DAB1: variants seen among roughly 807,000 people sequenced by gnomAD.
DAB1 encodes the protein DAB adaptor protein 1.
DAB1 carries 15 observed loss-of-function variants against 64.6 expected under a neutral mutation model. The observed-to-expected ratio is 0.23, with a 90% CI of 0.16 to 0.36. The LOEUF is 0.36. DAB1 is among the 10% of genes least tolerant of loss of function. The pLI, the probability that DAB1 is intolerant of heterozygous loss-of-function variation, is 1.00. For missense variants in DAB1, 596 were observed against 706.7 expected, an observed-to-expected ratio of 0.84 and a Z score of 1.78; for synonymous variants, 235 against 251.9, an observed-to-expected ratio of 0.93 and a Z score of 0.64.
chr1:58,105,433 T>G (rs899502215), intron 5 of DAB1, among the ~76,000 whole-genome samples: 1 of 152,100 alleles, frequency 6.6e-6, no homozygotes, highest in African/African-American at 2.4e-5. Flanking sequence ...TCATTTCATA[T>G]CAGAAATACT....
At chr1:58,485,983 T>C (rs550788719) in intron 3 of DAB1, among the ~76,000 whole-genome samples, 13 of 152,334 alleles carry the variant, frequency 8.5e-5, no homozygotes, top group African/African-American at 2.9e-4. Context: ...GAGGAAGATT[T>C]GAAGTTAAAT....
intron 5 of DAB1, among the ~76,000 whole-genome samples, chr1:57,893,779 T>C (rs114872999): frequency 1.7e-3 from 259 of 152,118 alleles, no homozygotes; most frequent in African/African-American, 5.6e-3. Flanking sequence ...CTCTCTGAAA[T>C]AATAATTGGT....
intron 6 of DAB1, among the ~76,000 whole-genome samples, chr1:57,819,349 C>T (rs1652014573): frequency 1.3e-5 from 2 of 152,186 alleles, no homozygotes; most frequent in Admixed American, 1.3e-4. Context: ...GATTCTGTTC[C>T]TTTACGGAGG....
intron 6 of DAB1, among the ~76,000 whole-genome samples, chr1:57,698,420 T>C (rs890738774): frequency 5.3e-5 from 8 of 152,152 alleles, no homozygotes; most frequent in African/African-American, 1.9e-4. Flanking sequence ...AGGACCAATT[T>C]GAATAACTCA....
chr1:57,992,587 C>T (rs778543330), intron 5 of DAB1, among the ~76,000 whole-genome samples: 1 of 152,148 alleles, frequency 6.6e-6, no homozygotes, highest in African/African-American at 2.4e-5. Context: ...AATCACTTCT[C>T]TCATAAAGAG....
chr1:57,578,415 G>T (rs2101546680), intron 7 of DAB1, among the ~76,000 whole-genome samples: 1 of 152,298 alleles, frequency 6.6e-6, no homozygotes, highest in Admixed American at 6.5e-5. Context: ...ATGGGCTTTG[G>T]AGTTACAGGC....
At chr1:57,861,215 C>T (rs777301097) in intron 1 of DAB1, among the ~76,000 whole-genome samples, 8 of 152,196 alleles carry the variant, frequency 5.3e-5, no homozygotes, top group South Asian at 2.1e-4. Context: ...TTTACTCAGA[C>T]GGACCTTGTC....
At chr1:57,029,619 C>T (rs1485038529) in intron 9 of DAB1, among the ~76,000 whole-genome samples, 1 of 152,154 alleles carries the variant, frequency 6.6e-6, no homozygotes, top group Non-Finnish European at 1.5e-5. Flanking sequence ...GAAGGGCTGC[C>T]CAAGACCATG....
intron 6 of DAB1, among the ~76,000 whole-genome samples, chr1:57,727,585 A>G (rs1194667484): frequency 1.3e-5 from 2 of 152,160 alleles, no homozygotes; most frequent in Non-Finnish European, 1.5e-5. Flanking sequence ...TGGATCCTGG[A>G]GCCACTTTCA....
chr1:57,358,540 G>C (rs760890252), intron 1 of DAB1, among the ~76,000 whole-genome samples: 2 of 151,916 alleles, frequency 1.3e-5, no homozygotes, highest in African/African-American at 4.8e-5. Flanking sequence ...AATAAATGTT[G>C]TTAAAATGAC....
chr1:58,439,109 T>C (rs780473301), intron 3 of DAB1, among the ~76,000 whole-genome samples: 617 of 49,686 alleles, frequency 0.012, 3 homozygotes, highest in Admixed American at 0.018. Context: ...CCCAACGTCA[T>C]AGCCTCACCA....
At chr1:57,210,482 T>C (rs1408473699) in intron 2 of DAB1, among the ~76,000 whole-genome samples, 1 of 152,138 alleles carries the variant, frequency 6.6e-6, no homozygotes, top group Non-Finnish European at 1.5e-5. Context: ...GGCACAGAAA[T>C]TGAGGCATAG....
At chr1:57,086,214 G>A (rs1414324973) in intron 4 of DAB1, among the ~76,000 whole-genome samples, 1 of 152,112 alleles carries the variant, frequency 6.6e-6, no homozygotes, top group Non-Finnish European at 1.5e-5. Context: ...CCCACATGCT[G>A]CAAATAGAGT....
intron 3 of DAB1, among the ~76,000 whole-genome samples, chr1:58,430,712 G>A (rs1644862115): frequency 6.6e-6 from 1 of 152,208 alleles, no homozygotes; most frequent in Non-Finnish European, 1.5e-5. Context: ...GCAATAAGGA[G>A]GGAGGTAATC....
chr1:57,955,688 G>A (rs543186518), intron 5 of DAB1, among the ~76,000 whole-genome samples: 21 of 152,124 alleles, frequency 1.4e-4, no homozygotes, highest in Admixed American at 1.2e-3. Context: ...ATTAGCACAA[G>A]AGCAACTCCC....
At chr1:57,214,907 T>A (rs1569919553) in intron 2 of DAB1, among the ~76,000 whole-genome samples, 2 of 26,956 alleles carry the variant, frequency 7.4e-5, no homozygotes, top group Non-Finnish European at 1.3e-4. Flanking sequence ...CAAGATTCCC[T>A]CTCAAAAAAA....
chr1:57,113,782 C>T (rs1176671199), intron 4 of DAB1, among the ~76,000 whole-genome samples: 3 of 152,118 alleles, frequency 2.0e-5, no homozygotes. Flanking sequence ...TTCATTACAG[C>T]CTGATTTTAA....
intron 9 of DAB1, among the ~76,000 whole-genome samples, chr1:57,027,332 G>A (rs1646823442): frequency 6.6e-6 from 1 of 152,106 alleles, no homozygotes; most frequent in Non-Finnish European, 1.5e-5. Flanking sequence ...ACAACCCAAG[G>A]GCACAACCAC....
In DAB1 at chr1:57,388,260, T is replaced by C. The variant is rs918171431; in HGVS notation, c.-137+35670A>G. ...CCACCTGATGTTTGTGAAACAACAATCCTGTCCCTATATGATTCTTCTATT... is the reference window on the plus strand; with the variant it reads ...CCACCTGATGTTTGTGAAACAACAACCCTGTCCCTATATGATTCTTCTATT... On this transcript the variant is annotated intron_variant, in intron 1 of 14. Coordinates refer to ENST00000371236, the MANE Select transcript of DAB1 (RefSeq NM_001365792.1). Among the ~76,000 whole-genome samples the C allele has an allele frequency of 2.0e-5, 3 of 152,222 alleles. No homozygotes were observed. In the East Asian group the frequency reaches 5.8e-4, roughly 29 times the overall value.
Sources: allele counts gnomAD v4.1 joint callset (sites outside exome capture counted in the v4.1 genomes callset), GRCh38; gene constraint gnomAD v4.1.1; transcripts MANE v1.5; gene names NCBI Gene and HGNC (gene_info 2026-07-23, HGNC 2026-07-21).